The following NR3C2 variants were observed in gnomAD, a reference collection of about 807,000 sequenced individuals.
The protein encoded by NR3C2 is mineralocorticoid receptor.
A neutral mutation model predicts 86.4 loss-of-function variants in NR3C2; 15 were observed. The ratio of observed to expected loss-of-function variants is 0.17; its 90% CI spans 0.12 to 0.27. The LOEUF is 0.27. NR3C2 is among the 10% of genes least tolerant of loss of function. NR3C2 has a pLI of 1.00. For missense variants in NR3C2, 960 were observed against 1,195.6 expected (o/e 0.80, Z 2.91); for synonymous variants, 458 against 450.5 (o/e 1.02, Z -0.21).
At chr4:148,344,388 C>T (rs908908427) in intron 2 of NR3C2, among the ~76,000 whole-genome samples, 1 of 152,056 alleles carries the variant, frequency 6.6e-6, no homozygotes, top group East Asian at 1.9e-4. Flanking sequence ...AAAGCATGAG[C>T]GTTGAAGCTA....
At chr4:148,142,905 A>C (rs1733682446) in intron 6 of NR3C2, among the ~76,000 whole-genome samples, 1 of 151,922 alleles carries the variant, frequency 6.6e-6, no homozygotes, top group Non-Finnish European at 1.5e-5. Flanking sequence ...CCCCCTCCCC[A>C]CCATCTCTCT....
At chr4:148,408,167 G>T (rs1209895253) in intron 2 of NR3C2, among the ~76,000 whole-genome samples, 2 of 152,086 alleles carry the variant, frequency 1.3e-5, no homozygotes, top group Non-Finnish European at 2.9e-5. Flanking sequence ...GAACTAGCAG[G>T]GGACCACTAC....
chr4:148,325,122 GAGGGAGAGAGAAT>G (rs1743890965), intron 2 of NR3C2, among the ~76,000 whole-genome samples: 2 of 143,068 alleles, frequency 1.4e-5, no homozygotes, highest in South Asian at 2.2e-4. Flanking sequence ...GAGAGAGAGA[GAGGGAGAGAGAAT>G]GAGAGAGAGA....
At chr4:148,365,549 AAATC>A (rs1238595805) in intron 2 of NR3C2, among the ~76,000 whole-genome samples, 1 of 152,194 alleles carries the variant, frequency 6.6e-6, no homozygotes, top group African/African-American at 2.4e-5. Flanking sequence ...GATTACTGAG[AAATC>A]AATCAGATTG....
In NR3C2 at chr4:148,386,916, A is replaced by T. The variant is rs1174565364; in HGVS notation, c.1757+48188T>A. 3.3e-5 allele frequency among the ~76,000 whole-genome samples: 5 copies of T among 152,170 alleles called. No homozygotes were observed. The South Asian group carries it at 1.0e-3, about 32-fold the overall frequency. On this transcript the variant is annotated intron_variant, in intron 2 of 8. Coordinates refer to ENST00000358102, the MANE Select transcript of NR3C2 (RefSeq NM_000901.5). ...CTCTACTCCGCAGTCTCTGGCACAC[A>T]GGCACTGTGGGATGGACTCTTCAGC...
chr4:148,249,119 C>T (rs1739451912), intron 3 of NR3C2, among the ~76,000 whole-genome samples: 1 of 152,092 alleles, frequency 6.6e-6, no homozygotes, highest in African/African-American at 2.4e-5. Flanking sequence ...CTGGAAAACT[C>T]TCAAAGCAAG....
Position 148,428,344 on chromosome 4 carries a change from A to C in NR3C2, c.1757+6760T>G, listed in dbSNP as rs79373519. Among the ~76,000 whole-genome samples, 1,031 of 152,332 alleles carry C rather than the reference A, an allele frequency of 6.8e-3. 16 individuals are homozygous for C. Among genetic ancestry groups the C allele is most frequent in the African/African-American group, 0.024 (986 of 41,566 alleles). On this transcript the variant is annotated intron_variant, in intron 2 of 8. Transcript: ENST00000358102. ...GGAAACATACCAGAAAACCCAATGG[A>C]AAGACTTTCTACCAAATAACTGCCC...
intron 8 of NR3C2, among the ~76,000 whole-genome samples, chr4:148,111,995 C>T (rs1321646138): frequency 1.3e-5 from 2 of 152,076 alleles, no homozygotes; most frequent in Non-Finnish European, 1.5e-5. Context: ...AGTTATACCT[C>T]AATTAAGAAA....
At position 148,435,701 on chromosome 4, in the gene NR3C2, C is replaced by G. The variant is rs1258650833; in HGVS notation, c.1160G>C (p.Gly387Ala). 3.7e-6 allele frequency: 6 copies of G among 1,614,050 alleles called. No individual in the cohort carries two copies. Among genetic ancestry groups the G allele is most frequent in the Non-Finnish European group, 5.1e-6 (6 of 1,180,046 alleles). ...GACAATATTAAGCTGGCCAGTCACA[C>G]CATTTGAGATGGCACTCTCTACTTC... is the stretch of plus-strand genomic sequence containing the variant. ...TEEVESAISN[G>A]VTGQLNIVQY... Residue 387 changes from glycine (G) to alanine (A), a missense_variant, in exon 2 of 9, where the codon GGT (glycine) becomes GCT (alanine). Physicochemically the swap from Gly to Ala is moderately conservative, Grantham distance 60 (BLOSUM62 0). This residue lies in a region of NR3C2 where 680 missense variants were observed against 719.0 expected (regional missense o/e 0.95). Transcript: ENST00000358102.
intron 2 of NR3C2, among the ~76,000 whole-genome samples, chr4:148,291,222 T>C (rs1211114592): frequency 6.6e-6 from 1 of 152,086 alleles, no homozygotes; most frequent in Non-Finnish European, 1.5e-5. Flanking sequence ...AAACCTGTAA[T>C]TAGATTATGA....
intron 4 of NR3C2, among the ~76,000 whole-genome samples, chr4:148,186,441 A>C (rs1228458194): frequency 2.0e-5 from 3 of 151,134 alleles, no homozygotes; most frequent in Non-Finnish European, 3.0e-5. Context: ...ATTTGTAAGT[A>C]ATGTTCATTT....
intron 2 of NR3C2, among the ~76,000 whole-genome samples, chr4:148,334,596 A>T (rs1744390872): frequency 6.6e-6 from 1 of 152,182 alleles, no homozygotes; most frequent in South Asian, 2.1e-4. Context: ...ACACACAACA[A>T]ATTCTGGCAT....
intron 2 of NR3C2, among the ~76,000 whole-genome samples, chr4:148,377,089 T>C (rs1221752383): frequency 6.6e-6 from 1 of 152,238 alleles, no homozygotes; most frequent in Non-Finnish European, 1.5e-5. Flanking sequence ...CTTTTAGTTT[T>C]CTCACTGACA....
intron 2 of NR3C2, among the ~76,000 whole-genome samples, chr4:148,326,332 CG>C (rs1352947918): frequency 6.6e-6 from 1 of 151,922 alleles, no homozygotes; most frequent in East Asian, 1.9e-4. Flanking sequence ...ACCCAGGAGG[CG>C]GAGCCTGCAG....
chr4:148,182,752 G>C (rs1259927452), intron 4 of NR3C2, among the ~76,000 whole-genome samples: 1 of 152,226 alleles, frequency 6.6e-6, no homozygotes, highest in African/African-American at 2.4e-5. Context: ...CATAGGCTTT[G>C]CTGCCAGCAA....
At chr4:148,319,393 G>GT (rs1479140274) in intron 2 of NR3C2, among the ~76,000 whole-genome samples, 1 of 152,134 alleles carries the variant, frequency 6.6e-6, no homozygotes, top group Admixed American at 6.6e-5. Context: ...CTTTCAAGTA[G>GT]TTTTTTCCAA....
In NR3C2 at chr4:148,154,651, G is replaced by A; in HGVS notation, c.2265C>T (p.Asp755=). ...TTTCGGCTGTATCTGGTTTTGAGCT[G>A]TCATAGCCTGCATATACAATTTCAG... ...IEPEIVYAGY[D]SSKPDTAENL... The change falls in exon 5 of 9, where the codon GAC becomes GAT. Residue 755 remains aspartate (D), a synonymous_variant. Transcript: ENST00000358102. 2.5e-6 allele frequency: 4 copies of A among 1,614,206 alleles called. No homozygotes were observed. Among genetic ancestry groups the A allele is most frequent in the Non-Finnish European group, 3.4e-6 (4 of 1,180,032 alleles).
At chr4:148,252,268 A>T (rs1291189386) in intron 3 of NR3C2, among the ~76,000 whole-genome samples, 1 of 152,204 alleles carries the variant, frequency 6.6e-6, no homozygotes, top group Non-Finnish European at 1.5e-5. Flanking sequence ...TCTTGTTAAG[A>T]AATAGTCAAT....
intron 3 of NR3C2, among the ~76,000 whole-genome samples, chr4:148,210,075 G>C (rs1737207305): frequency 6.6e-6 from 1 of 152,062 alleles, no homozygotes; most frequent in South Asian, 2.1e-4. Flanking sequence ...CTGGGAGGAG[G>C]GTCTGGATGG....
Sources: allele counts gnomAD v4.1 joint callset (sites outside exome capture counted in the v4.1 genomes callset), GRCh38; gene constraint gnomAD v4.1.1; regional missense constraint gnomAD v4.1.1; transcripts MANE v1.5; gene names NCBI Gene and HGNC (gene_info 2026-07-23, HGNC 2026-07-21).